BRINP3: variants seen among roughly 807,000 people sequenced by gnomAD.
BRINP3 encodes BMP/retinoic acid-inducible neural-specific protein 3.
In BRINP3, 19 loss-of-function variants were observed where a neutral mutation model predicts 71.0. The observed-to-expected ratio is 0.27, with a 90% CI of 0.19 to 0.39. The LOEUF is 0.39. Ranked by LOEUF, BRINP3 falls within the 10% of genes least tolerant of loss-of-function variation. The pLI, the probability that BRINP3 is intolerant of heterozygous loss-of-function variation, is 1.00. For missense variants in BRINP3, 959 were observed against 940.8 expected (o/e 1.02, Z -0.25); for synonymous variants, 380 against 337.7 (o/e 1.13, Z -1.37).
chr1:190,118,228 G>A (rs148102358), intron 7 of BRINP3, among the ~76,000 whole-genome samples: 129 of 152,114 alleles, frequency 8.5e-4, no homozygotes, highest in East Asian at 6.9e-3. Context: ...ATTTTAAATA[G>A]AGGTAAGAAA....
At position 190,380,286 on chromosome 1, in the gene BRINP3, C is replaced by A. The variant is rs75364167; in HGVS notation, c.236+74369G>T. The stretch of plus-strand genomic sequence containing the variant: ...GGAAAGTGGGGATACCAGGAATGAT[C>A]TGCAGGCTTTAAAAGTGCGGAAGTC... On this transcript the variant is annotated intron_variant, in intron 2 of 7. Transcript: ENST00000367462. Among the ~76,000 whole-genome samples, 1,267 of 152,174 alleles carry A rather than the reference C, an allele frequency of 8.3e-3. 35 individuals are homozygous for A. Among genetic ancestry groups the A allele is most frequent in the East Asian group, 0.075 (386 of 5,122 alleles).
intron 3 of BRINP3, among the ~76,000 whole-genome samples, chr1:190,277,087 T>TTATATATATATATATATATATATA (rs1222129309): frequency 0.042 from 1,508 of 35,640 alleles, 214 homozygotes; most frequent in Non-Finnish European, 0.072. Flanking sequence ...AATTTTGGTT[T>TTATATATATATATATATATATATA]TATATATATA....
chr1:190,218,157 C>T (rs1298763264), intron 6 of BRINP3, among the ~76,000 whole-genome samples: 3 of 151,690 alleles, frequency 2.0e-5, no homozygotes, highest in Non-Finnish European at 2.9e-5. Flanking sequence ...AGAAATAATA[C>T]ATTTTTGGTA....
intron 2 of BRINP3, among the ~76,000 whole-genome samples, chr1:190,448,306 T>C (rs1053202860): frequency 2.6e-5 from 4 of 151,744 alleles, no homozygotes; most frequent in African/African-American, 4.8e-5. Flanking sequence ...AAAATTTTTC[T>C]TTGTGGGTTA....
chr1:190,348,549 T>A (rs1033652702), intron 2 of BRINP3, among the ~76,000 whole-genome samples: 6 of 152,180 alleles, frequency 3.9e-5, no homozygotes, highest in Admixed American at 3.3e-4. Context: ...TCTGAATGGT[T>A]GTATAAAGAA....
chr1:190,111,140 T>G (rs1652635118), intron 7 of BRINP3, among the ~76,000 whole-genome samples: 2 of 126,512 alleles, frequency 1.6e-5, no homozygotes, highest in Admixed American at 1.9e-4. Context: ...ATTGGGCCAC[T>G]GCACTCCAGC....
chr1:190,315,528 G>A (rs1665823151), intron 2 of BRINP3, among the ~76,000 whole-genome samples: 1 of 152,136 alleles, frequency 6.6e-6, no homozygotes, highest in Admixed American at 6.6e-5. Flanking sequence ...GAAGTCTTCA[G>A]CATGCATAAT....
chr1:190,375,508 G>A (rs1457013934), intron 2 of BRINP3, among the ~76,000 whole-genome samples: 2 of 151,916 alleles, frequency 1.3e-5, no homozygotes, highest in East Asian at 3.9e-4. Flanking sequence ...CTGAATAAAA[G>A]CAGTTCGTAC....
intron 2 of BRINP3, among the ~76,000 whole-genome samples, chr1:190,409,199 C>T (rs1445347231): frequency 6.6e-6 from 1 of 151,658 alleles, no homozygotes; most frequent in Non-Finnish European, 1.5e-5. Context: ...TCCTGGAGTT[C>T]GAGACTATCC....
Position 190,297,908 on chromosome 1 carries a change from A to T in BRINP3, c.237-16158T>A, listed in dbSNP as rs140178179. On this transcript the variant is annotated intron_variant, in intron 2 of 7. Transcript: ENST00000367462. ...AACTGGAAGTGTTATTTTCTGGGAA[A>T]TAGTCTGTAAAATTATTGTTAATTC... Among the ~76,000 whole-genome samples the T allele has an allele frequency of 5.5e-3, 830 of 152,124 alleles. 5 individuals carry two copies. Among genetic ancestry groups the T allele is most frequent in the African/African-American group, 0.018 (759 of 41,498 alleles).
chr1:190,170,942 A>G (rs1651955042), intron 6 of BRINP3, among the ~76,000 whole-genome samples: 2 of 152,280 alleles, frequency 1.3e-5, no homozygotes, highest in South Asian at 4.1e-4. Flanking sequence ...GCACTGAAAC[A>G]ATAACCATGA....
intron 2 of BRINP3, among the ~76,000 whole-genome samples, chr1:190,431,724 A>C (rs1284147985): frequency 1.3e-5 from 2 of 152,180 alleles, no homozygotes; most frequent in Non-Finnish European, 2.9e-5. Flanking sequence ...AATGAAAAAA[A>C]TCCCTGGGGA....
At chr1:190,123,780 A>G (rs926121932) in intron 7 of BRINP3, among the ~76,000 whole-genome samples, 1 of 152,138 alleles carries the variant, frequency 6.6e-6, no homozygotes, top group African/African-American at 2.4e-5. Context: ...AGCCCATACA[A>G]TTAGATTTTG....
At chr1:190,320,002 T>C (rs7535549) in intron 2 of BRINP3, among the ~76,000 whole-genome samples, 19,267 of 152,110 alleles carry the variant, frequency 0.13, 1,578 homozygotes, top group South Asian at 0.26. Context: ...TAAATTTTGA[T>C]CTTTGTGATA....
intron 7 of BRINP3, among the ~76,000 whole-genome samples, chr1:190,123,654 T>C (rs773708612): frequency 6.6e-6 from 1 of 152,148 alleles, no homozygotes; most frequent in Non-Finnish European, 1.5e-5. Context: ...GCTAAAGCTA[T>C]TAATTAGAAT....
At chr1:190,111,182 TAAAAAA>T (rs750953190) in intron 7 of BRINP3, among the ~76,000 whole-genome samples, 5 of 61,800 alleles carry the variant, frequency 8.1e-5, no homozygotes, top group Non-Finnish European at 1.1e-4. Context: ...AAGACTCCAT[TAAAAAA>T]AAAAAAAAAA....
chr1:190,465,534 C>G (rs1337006085), intron 1 of BRINP3, among the ~76,000 whole-genome samples: 1 of 151,876 alleles, frequency 6.6e-6, no homozygotes, highest in Non-Finnish European at 1.5e-5. Context: ...TCTTCACTAT[C>G]CTGAAGGTGA....
chr1:190,459,696 G>A (rs1175115946), intron 1 of BRINP3, among the ~76,000 whole-genome samples: 1 of 151,834 alleles, frequency 6.6e-6, no homozygotes, highest in Admixed American at 6.6e-5. Context: ...ATTTGCATTT[G>A]GACTGATTTT....
chr1:190,224,619 C>CA (rs1297615494), intron 6 of BRINP3, among the ~76,000 whole-genome samples: 1 of 151,444 alleles, frequency 6.6e-6, no homozygotes, highest in Non-Finnish European at 1.5e-5. Flanking sequence ...ACAACTAAAG[C>CA]AAAAAATAGA....
Sources: gnomAD v4.1 joint callset for allele counts (sites outside exome capture counted in the v4.1 genomes callset) on GRCh38, gnomAD v4.1.1 for gene constraint, MANE v1.5 for transcripts, NCBI Gene and HGNC (gene_info 2026-07-23, HGNC 2026-07-21) for gene names.